The following ETFB variants were observed in gnomAD, a reference collection of about 807,000 sequenced individuals.
ETFB encodes the protein electron transfer flavoprotein subunit beta.
A neutral mutation model predicts 25.6 loss-of-function variants in ETFB; 20 were observed. That is an observed-to-expected ratio of 0.78 (90% CI 0.55 to 1.14). ETFB has a LOEUF of 1.14. Ranked by LOEUF, ETFB falls within the 50% of genes most tolerant of loss-of-function variation. ETFB has a pLI of 0.00. For missense variants in ETFB, 286 were observed against 342.6 expected, an observed-to-expected ratio of 0.83 and a Z score of 1.30; for synonymous variants, 142 against 146.7, an observed-to-expected ratio of 0.97 and a Z score of 0.23.
At chr19:51,350,247 A>C in intron 4 of ETFB, 82 bp downstream of exon 4, 1 of 1,492,938 alleles carries the variant, frequency 6.7e-7, no homozygotes, top group South Asian at 1.2e-5. Flanking sequence ...AGAGAACAGC[A>C]AATGCAAAGG....
In ETFB at chr19:51,354,293, C is replaced by G; in HGVS notation, c.73G>C (p.Asp25His). The G allele has an allele frequency of 6.2e-7, 1 of 1,614,196 alleles. No individual in the cohort carries two copies. The highest frequency in any genetic ancestry group is 8.5e-7 in the Non-Finnish European group (1 of 1,180,040). The change falls in exon 2 of 6, where the codon GAC becomes CAC. Residue 25 changes from aspartate (D) to histidine (H), a missense_variant. Transcript: ENST00000309244. ...CCATCCGTGACCACACCGGTCCTGT[C>G]AGGCTTCACTCGGATCTGCCCAGCA... ...DYAVKIRVKP[D>H]RTGVVTDGVK...
rs769951998 is a variant in ETFB, at chr19:51,346,925, C to T, written c.572G>A (p.Arg191His). The T allele has an allele frequency of 1.5e-5, 24 of 1,565,862 alleles. No homozygotes were observed. The highest frequency in any genetic ancestry group is 3.3e-4 in the Middle Eastern group (2 of 6,016). Residue 191 changes from arginine to histidine, a missense_variant, in exon 5 of 6, where the codon CGC becomes CAC. Coordinates refer to ENST00000309244, the MANE Select transcript of ETFB (RefSeq NM_001985.3). ...VTADLRLNEP[R>H]YATLPNIMKA... ...CATGATGTTGGGCAGCGTGGCGTAG[C>T]GGGGCTCGTTGAGCCTCAGGTCAGC...
At chr19:51,365,639 T>TCA (rs35187464) in intron 1 of ETFB, 78,086 of 157,620 alleles carry the variant, frequency 0.5, 19,981 homozygotes, top group African/African-American at 0.55. Context: ...AGCCAGGCGC[T>TCA]GAGAGCACCC....
In ETFB at chr19:51,354,254, T is replaced by A. The variant is rs760800809; in HGVS notation, c.112A>T (p.Met38Leu). The change falls in exon 2 of 6, where the codon ATG becomes TTG. Residue 38 changes from methionine (M) to leucine (L), a missense_variant. By Grantham distance (15) the Met-to-Leu change is conservative. Coordinates refer to ENST00000309244, the MANE Select transcript of ETFB (RefSeq NM_001985.3). Reference protein sequence around the residue: ...GVVTDGVKHSMNPFCEIAVEE... With the variant: ...GVVTDGVKHSLNPFCEIAVEE... ...ACCGCGATCTCACAGAAGGGGTTCA[T>A]GGAGTGCTTCACACCATCCGTGACC... 6.8e-6 allele frequency: 11 copies of A among 1,614,156 alleles called. No homozygotes were observed. The South Asian group carries it at 1.2e-4, about 18-fold the overall frequency.
intron 1 of ETFB, among the ~76,000 whole-genome samples, chr19:51,359,600 C>A (rs1404781361): frequency 1.3e-5 from 2 of 152,118 alleles, no homozygotes; most frequent in Non-Finnish European, 2.9e-5. Flanking sequence ...CACACACGCA[C>A]GCACACACAC....
At position 51,357,491 on chromosome 19, in the gene ETFB, T is replaced by TTTTTTTTTTTTTTTTTTTTTTTTG. The variant is rs1986113499; in HGVS notation, c.58-3184_58-3183insCAAAAAAAAAAAAAAAAAAAAAAA. Among the ~76,000 whole-genome samples, 2 of 104,562 alleles carry TTTTTTTTTTTTTTTTTTTTTTTTG rather than the reference T, an allele frequency of 1.9e-5. 1 individual carries two copies. Among genetic ancestry groups the TTTTTTTTTTTTTTTTTTTTTTTTG allele is most frequent in the Non-Finnish European group, 3.5e-5 (2 of 57,826 alleles). The allele number at this position is 104,562 out of a possible 152,430, so 68.6% of individuals were successfully genotyped here. A position where few individuals can be genotyped will look rare whatever the true frequency, so the allele number is the denominator to read the frequency against. On this transcript the variant is annotated intron_variant, in intron 1 of 5. Coordinates refer to ENST00000309244, the MANE Select transcript of ETFB (RefSeq NM_001985.3). The stretch of plus-strand genomic sequence containing the variant: ...CCACAATCCTTTTTTTCTTTCTTTC[T>TTTTTTTTTTTTTTTTTTTTTTTTG]TTTTTTTTTTTTTTTTGAGATGGAG...
At chr19:51,350,219 G>T in intron 4 of ETFB, 110 bp downstream of exon 4, 3 of 1,234,512 alleles carry the variant, frequency 2.4e-6, no homozygotes, top group Non-Finnish European at 3.4e-6. Flanking sequence ...CAATCCGAGG[G>T]AACAGTGTTC....
intron 1 of ETFB, among the ~76,000 whole-genome samples, chr19:51,360,089 A>G (rs55794515): frequency 0.02 from 3,092 of 152,062 alleles, 65 homozygotes; most frequent in African/African-American, 0.051. Flanking sequence ...TAAAGAGACG[A>G]CATATCCACC....
chr19:51,365,699 T>A (rs2123619597), intron 1 of ETFB, among the ~76,000 whole-genome samples: 1 of 152,264 alleles, frequency 6.6e-6, no homozygotes, highest in South Asian at 2.1e-4. Flanking sequence ...CTCAGTCAGG[T>A]TGGCTCCTTG....
intron 1 of ETFB, chr19:51,354,871 TCCCTCCCCTTTTCAGGCA>T: frequency 2.0e-6 from 1 of 507,290 alleles, no homozygotes; most frequent in South Asian, 2.2e-5. Context: ...CAGGAAAAGT[TCCCTCCCCTTTTCAGGCA>T]CGTACATGGT....
chr19:51,364,971 T>A (rs1279424055), intron 1 of ETFB, among the ~76,000 whole-genome samples: 2 of 152,078 alleles, frequency 1.3e-5, no homozygotes, highest in Non-Finnish European at 2.9e-5. Context: ...GGCGGGTGGA[T>A]CACCTGAGGT....
intron 3 of ETFB, among the ~76,000 whole-genome samples, chr19:51,351,619 C>A (rs959401101): frequency 1.3e-5 from 2 of 152,220 alleles, no homozygotes; most frequent in African/African-American, 4.8e-5. Context: ...CCTCTGCAGC[C>A]CCACCCAGGC....
intron 1 of ETFB, among the ~76,000 whole-genome samples, chr19:51,360,026 A>G (rs1036618055): frequency 6.6e-6 from 1 of 151,760 alleles, no homozygotes; most frequent in Non-Finnish European, 1.5e-5. Context: ...AAAGAAAAAA[A>G]AAAAGTTTTA....
Position 51,354,140 on chromosome 19 carries a change from C to T in ETFB, c.216+10G>A. ...CAGGAGTCCAGCCCCCTCCCCAAGA[C>T]CTTCATCACCTGGCACTGTGCAGGC... On this transcript the variant is annotated intron_variant, in intron 2 of 5. Coordinates refer to ENST00000309244, the MANE Select transcript of ETFB (RefSeq NM_001985.3). 1 of 1,613,612 alleles carries T rather than the reference C, an allele frequency of 6.2e-7. No individual in the cohort carries two copies.
chr19:51,348,891 T>G (rs759590258), intron 4 of ETFB, among the ~76,000 whole-genome samples: 1 of 152,220 alleles, frequency 6.6e-6, no homozygotes, highest in Non-Finnish European at 1.5e-5. Flanking sequence ...ATAAAATACA[T>G]GCTGAATTTT....
At chr19:51,349,332 A>T (rs993807353) in intron 4 of ETFB, among the ~76,000 whole-genome samples, 2 of 152,202 alleles carry the variant, frequency 1.3e-5, no homozygotes, top group African/African-American at 2.4e-5. Context: ...TGTTGATTAC[A>T]TGTTAAAATA....
chr19:51,354,497 G>T, intron 1 of ETFB, 189 bp from the exon 2 acceptor site: 1 of 1,614,168 alleles, frequency 6.2e-7, no homozygotes, highest in East Asian at 2.2e-5. Context: ...AGGTCACCCT[G>T]TCTCCTTCTC....
chr19:51,346,359 G>A (rs1014526506), intron 5 of ETFB: 2 of 166,430 alleles, frequency 1.2e-5, no homozygotes, highest in Non-Finnish European at 2.6e-5. Flanking sequence ...AGATGATCCA[G>A]TGAACCCTCC....
chr19:51,349,153 G>A (rs1255470161), intron 4 of ETFB, among the ~76,000 whole-genome samples: 2 of 152,126 alleles, frequency 1.3e-5, no homozygotes, highest in Non-Finnish European at 2.9e-5. Context: ...CCCACTGTAG[G>A]CTAACGTTAA....
Sources: allele counts gnomAD v4.1 joint callset (sites outside exome capture counted in the v4.1 genomes callset), GRCh38; gene constraint gnomAD v4.1.1; transcripts MANE v1.5; gene names NCBI Gene and HGNC (gene_info 2026-07-23, HGNC 2026-07-21).